CFAP70: variants seen among roughly 807,000 people sequenced by gnomAD.
CFAP70 encodes cilia- and flagella-associated protein 70.
CFAP70 carries 81 observed loss-of-function variants against 137.6 expected under a neutral mutation model. The observed-to-expected ratio is 0.59, with a 90% CI of 0.49 to 0.71. CFAP70 has a LOEUF of 0.71. Among genes scored for constraint, CFAP70 ranks in the 30% least tolerant of loss-of-function variants. The pLI, the probability that CFAP70 is intolerant of heterozygous loss-of-function variation, is 0.00. For synonymous variants in CFAP70, 382 were observed against 423.6 expected, an observed-to-expected ratio of 0.90 and a Z score of 1.20; for missense variants, 976 against 1,226.7, an observed-to-expected ratio of 0.80 and a Z score of 3.05.
At chr10:73,337,726 T>C (rs1354121073) in intron 6 of CFAP70, among the ~76,000 whole-genome samples, 1 of 151,942 alleles carries the variant, frequency 6.6e-6, no homozygotes, top group Non-Finnish European at 1.5e-5. Flanking sequence ...CCAAATGTGG[T>C]GAAACCCCAT....
chr10:73,351,065 GTGTGTGTATATATATATATA>G (rs2054191931), intron 3 of CFAP70, among the ~76,000 whole-genome samples: 3 of 55,646 alleles, frequency 5.4e-5, no homozygotes, highest in African/African-American at 3.0e-4. Context: ...GTGTGTGTGT[GTGTGTGTATATATATATATA>G]TATATATATA....
chr10:73,342,758 C>G (rs1464312971), intron 5 of CFAP70, among the ~76,000 whole-genome samples: 1 of 152,028 alleles, frequency 6.6e-6, no homozygotes, highest in Non-Finnish European at 1.5e-5. Context: ...TATATTTTAT[C>G]ACATAGCCAA....
At chr10:73,339,832 T>C (rs1026292490) in intron 6 of CFAP70, among the ~76,000 whole-genome samples, 14 of 152,166 alleles carry the variant, frequency 9.2e-5, no homozygotes, top group Non-Finnish European at 2.1e-4. Context: ...CAGACCTGGC[T>C]CAGGGAGCTC....
At chr10:73,348,741 G>GATC (rs1221267873) in intron 3 of CFAP70, among the ~76,000 whole-genome samples, 2 of 152,138 alleles carry the variant, frequency 1.3e-5, no homozygotes, top group African/African-American at 2.4e-5. Context: ...ATGGGTTTTA[G>GATC]ATCATCATCA....
At chr10:73,345,302 G>A in intron 4 of CFAP70, 58 bp from the exon 6 acceptor site, 1 of 1,457,184 alleles carries the variant, frequency 6.9e-7, no homozygotes, top group East Asian at 2.3e-5. Flanking sequence ...TTCCTTTTTT[G>A]CATTATCTCA....
chr10:73,308,216 ATAT>A (rs1209962545), intron 12 of CFAP70, among the ~76,000 whole-genome samples: 1 of 152,132 alleles, frequency 6.6e-6, no homozygotes, highest in Non-Finnish European at 1.5e-5. Context: ...CCTAACAGAC[ATAT>A]ATAGAACATT....
intron 22 of CFAP70, 55 bp from the exon 24 acceptor site, chr10:73,274,649 T>C: frequency 2.1e-6 from 3 of 1,424,590 alleles, no homozygotes; most frequent in South Asian, 2.8e-5. Flanking sequence ...TAAAAGTACC[T>C]TGATGATCTT....
chr10:73,317,754 G>T (rs59699913), intron 9 of CFAP70, among the ~76,000 whole-genome samples: 1 of 151,946 alleles, frequency 6.6e-6, no homozygotes, highest in Non-Finnish European at 1.5e-5. Flanking sequence ...GTTAAAATGT[G>T]AGCCCCCTCC....
upstream of CFAP70, among the ~76,000 whole-genome samples, chr10:73,360,186 C>G (rs989089345): frequency 6.6e-6 from 1 of 152,104 alleles, no homozygotes; most frequent in African/African-American, 2.4e-5. Flanking sequence ...TATTGATTTC[C>G]TGATGTGGAA....
chr10:73,309,847 G>A lies in CFAP70; in HGVS notation c.1256+311C>T, dbSNP rs188687726. On this transcript the variant is annotated intron_variant, in intron 12 of 26. Coordinates refer to ENST00000310715, the Ensembl canonical transcript of CFAP70. ...AATTTTTTGTATTTTAGTAGAGACG[G>A]GGTTTCACCGTGTTGCCCAGGCTGG... Among the ~76,000 whole-genome samples the A allele has an allele frequency of 1.4e-3, 211 of 152,028 alleles. 3 individuals are homozygous for A. Among genetic ancestry groups the A allele is most frequent in the Non-Finnish European group, 2.6e-3 (177 of 67,992 alleles).
chr10:73,318,985 T>C (rs2050630158), intron 9 of CFAP70, among the ~76,000 whole-genome samples: 1 of 152,214 alleles, frequency 6.6e-6, no homozygotes, highest in Admixed American at 6.5e-5. Context: ...ATCCTCTTTT[T>C]AGAGGCCTGT....
chr10:73,258,849 C>G (rs368271220), intron 25 of CFAP70, among the ~76,000 whole-genome samples: 1 of 152,174 alleles, frequency 6.6e-6, no homozygotes, highest in Admixed American at 6.5e-5. Context: ...TTAGGAAATT[C>G]TTGCCTAGTA....
chr10:73,304,041 G>T (rs138973152), intron 12 of CFAP70, among the ~76,000 whole-genome samples: 2,475 of 151,770 alleles, frequency 0.016, 28 homozygotes, highest in Non-Finnish European at 0.023. Flanking sequence ...CTTTTATTTT[G>T]TATGTCATTT....
chr10:73,299,099 T>G (rs1480784945), exon 14 of CFAP70: 4 of 1,604,132 alleles, frequency 2.5e-6, no homozygotes, highest in Non-Finnish European at 3.4e-6. Flanking sequence ...AGTCACTCAC[T>G]GCCTAAGAAA....
At chr10:73,269,946 CT>C (rs2046108528) in intron 24 of CFAP70, among the ~76,000 whole-genome samples, 1 of 152,182 alleles carries the variant, frequency 6.6e-6, no homozygotes, top group South Asian at 2.1e-4. Context: ...GCCTAGTAAG[CT>C]CTTAACTTAT....
chr10:73,266,369 A>G (rs1371998279), intron 25 of CFAP70, among the ~76,000 whole-genome samples: 1 of 152,146 alleles, frequency 6.6e-6, no homozygotes, highest in Non-Finnish European at 1.5e-5. Context: ...CTACCATTTC[A>G]GTAGTGAACT....
chr10:73,311,904 C>T, exon 11 of CFAP70: 3 of 1,613,664 alleles, frequency 1.9e-6, no homozygotes, highest in Non-Finnish European at 2.5e-6. Flanking sequence ...AGATTTTATA[C>T]TAGGTGCCTG....
At chr10:73,326,534 TAATG>T in intron 8 of CFAP70, among the ~76,000 whole-genome samples, 1 of 144,224 alleles carries the variant, frequency 6.9e-6, no homozygotes, top group East Asian at 2.1e-4. Flanking sequence ...TTCAAAAAAT[TAATG>T]AATCCAGGAG....
At chr10:73,344,813 C>A (rs2053571693) in intron 5 of CFAP70, among the ~76,000 whole-genome samples, 2 of 151,828 alleles carry the variant, frequency 1.3e-5, no homozygotes, top group African/African-American at 4.8e-5. Context: ...CCAAAATTGG[C>A]CATTTTAAAT....
Sources: gnomAD v4.1 joint callset for allele counts (sites outside exome capture counted in the v4.1 genomes callset) on GRCh38, gnomAD v4.1.1 for gene constraint, MANE v1.5 for transcripts, NCBI Gene and HGNC (gene_info 2026-07-23, HGNC 2026-07-21) for gene names.